Variants in INSR observed in about 807,000 individuals in gnomAD.
The protein encoded by INSR is IR.
A neutral mutation model predicts 142.6 loss-of-function variants in INSR; 67 were observed. The observed-to-expected ratio is 0.47, with a 90% CI of 0.39 to 0.58. INSR has a LOEUF of 0.58. Among genes scored for constraint, INSR ranks in the 20% least tolerant of loss-of-function variants. The probability of loss-of-function intolerance (pLI) is 0.00; values close to 1 mark genes in which losing one functional copy is unlikely to be tolerated. For synonymous variants in INSR, 756 were observed against 743.1 expected, an observed-to-expected ratio of 1.02 and a Z score of -0.28; for missense variants, 1,248 against 1,833.2, an observed-to-expected ratio of 0.68 and a Z score of 5.83.
At chr19:7,190,856 TA>T (rs144613606) in intron 2 of INSR, among the ~76,000 whole-genome samples, 2,323 of 152,338 alleles carry the variant, frequency 0.015, 59 homozygotes, top group African/African-American at 0.053. Context: ...AAAATGTAGA[TA>T]TTTTTAACCA....
intron 9 of INSR, 143 bp downstream of exon 9, chr19:7,162,889 A>G: frequency 1.4e-6 from 1 of 722,478 alleles, no homozygotes; most frequent in Non-Finnish European, 2.5e-6. Flanking sequence ...GTGTTTTCAT[A>G]TGAGATAGAA....
chr19:7,262,747 A>G (rs1977102866), intron 2 of INSR, among the ~76,000 whole-genome samples: 1 of 152,224 alleles, frequency 6.6e-6, no homozygotes, highest in South Asian at 2.1e-4. Context: ...AGCCAGGCAC[A>G]AAAGGATAAA....
intron 2 of INSR, among the ~76,000 whole-genome samples, chr19:7,247,751 G>T (rs1391291852): frequency 6.6e-6 from 1 of 152,162 alleles, no homozygotes; most frequent in African/African-American, 2.4e-5. Context: ...TCAAATGCAG[G>T]CCTGTCTGAC....
At chr19:7,121,470 T>G (rs1395649741) in intron 19 of INSR, among the ~76,000 whole-genome samples, 1 of 151,996 alleles carries the variant, frequency 6.6e-6, no homozygotes, top group Non-Finnish European at 1.5e-5. Context: ...TCTATATTCC[T>G]TTTTTATTTG....
chr19:7,242,338 A>G (rs904207923), intron 2 of INSR, among the ~76,000 whole-genome samples: 1 of 152,102 alleles, frequency 6.6e-6, no homozygotes, highest in Admixed American at 6.6e-5. Flanking sequence ...CTGAATAGCC[A>G]CTGTACTGGG....
Position 7,293,871 on chromosome 19 carries a change from C to A in INSR, c.21G>T (p.Arg7=), listed in dbSNP as rs1968566684. 2.4e-6 allele frequency: 3 copies of A among 1,239,460 alleles called. No homozygotes were observed. The highest frequency in any genetic ancestry group is 3.4e-5 in the South Asian group (1 of 29,326). 76.8% of individuals were successfully genotyped at this position (1,239,460 alleles called of 1,614,324 possible). A position where few individuals can be genotyped will look rare whatever the true frequency, so the allele number is the denominator to read the frequency against. The change falls in exon 1 of 22, where the codon CGG becomes CGT. Residue 7 remains arginine (R), a synonymous_variant. Transcript: ENST00000302850. The stretch of plus-strand genomic sequence containing the variant: ...CCAGCAGCGGCGCGGCCGCCGCCCC[C>A]CGCCGGCCCCCGGTGGCCATGGCTG... MATGGR[R]GAAAAPLLVA...
chr19:7,217,354 C>T (rs1331056107), intron 2 of INSR, among the ~76,000 whole-genome samples: 1 of 152,094 alleles, frequency 6.6e-6, no homozygotes, highest in Non-Finnish European at 1.5e-5. Context: ...AGGATCATCC[C>T]CCCGTCTCAA....
intron 9 of INSR, among the ~76,000 whole-genome samples, chr19:7,156,785 T>G (rs911514723): frequency 1.6e-5 from 2 of 127,160 alleles, no homozygotes; most frequent in African/African-American, 6.1e-5. Context: ...TTTCTCTCTT[T>G]TTTTTTTTTT....
intron 7 of INSR, 23 bp downstream of exon 7, chr19:7,167,945 G>T (rs9676400): frequency 6.2e-7 from 1 of 1,613,598 alleles, no homozygotes; most frequent in Non-Finnish European, 8.5e-7. Flanking sequence ...CCTCCTCAGC[G>T]TCTCTCTAAC....
In INSR at chr19:7,144,424, A is replaced by T. The variant is rs1339190208; in HGVS notation, c.2268-1334T>A. Among the ~76,000 whole-genome samples the T allele has an allele frequency of 2.0e-5, 3 of 152,214 alleles. No individual in the cohort carries two copies. The East Asian group carries it at 5.8e-4, about 29-fold the overall frequency. On this transcript the variant is annotated intron_variant, in intron 11 of 21. Coordinates refer to ENST00000302850, the MANE Select transcript of INSR (RefSeq NM_000208.4). ...TCCTTATTTATTTATTTATTTTGAG[A>T]CAGAGTTTCACTCTTGTCGCCCAGG...
chr19:7,264,062 G>A lies in INSR; in HGVS notation c.652+3283C>T, dbSNP rs539179506. Among the ~76,000 whole-genome samples, 9 of 152,198 alleles carry A rather than the reference G, an allele frequency of 5.9e-5. No homozygotes were observed. The South Asian group carries it at 1.7e-3, about 28-fold the overall frequency. Reference sequence around the variant, plus strand: ...CGCATGCCTGTAATCCTAGCTACTCGGGAGGCTGAGGCAGGAGAATCGCTT... The same window carrying A: ...CGCATGCCTGTAATCCTAGCTACTCAGGAGGCTGAGGCAGGAGAATCGCTT... On this transcript the variant is annotated intron_variant, in intron 2 of 21. Transcript: ENST00000302850.
At chr19:7,133,627 C>T (rs1003306399) in intron 13 of INSR, among the ~76,000 whole-genome samples, 3 of 152,122 alleles carry the variant, frequency 2.0e-5, no homozygotes, top group African/African-American at 2.4e-5. Context: ...TTTGGGAGGC[C>T]GAGGTGGGCG....
chr19:7,174,549 C>T (rs774635982), intron 4 of INSR, 34 bp downstream of exon 4: 7 of 1,612,938 alleles, frequency 4.3e-6, no homozygotes, highest in African/African-American at 1.3e-5. Flanking sequence ...TGGAGCCCAA[C>T]AGGCACCCCC....
At chr19:7,162,999 C>A (rs1415028000) in intron 9 of INSR, 33 bp downstream of exon 9, 1 of 1,611,218 alleles carries the variant, frequency 6.2e-7, no homozygotes, top group Admixed American at 1.7e-5. Flanking sequence ...GTGTGCAAAC[C>A]CCACCGATCC....
At chr19:7,229,655 T>C (rs1298707697) in intron 2 of INSR, among the ~76,000 whole-genome samples, 1 of 152,230 alleles carries the variant, frequency 6.6e-6, no homozygotes, top group Non-Finnish European at 1.5e-5. Context: ...CCTTTTTCTT[T>C]CTTGGAACTT....
chr19:7,137,293 C>A (rs1388029238), intron 13 of INSR, among the ~76,000 whole-genome samples: 1 of 151,902 alleles, frequency 6.6e-6, no homozygotes, highest in Non-Finnish European at 1.5e-5. Flanking sequence ...ATCCCTCATG[C>A]CCAAGCCAAT....
chr19:7,204,638 G>C (rs1034539856), intron 2 of INSR, among the ~76,000 whole-genome samples: 4 of 152,306 alleles, frequency 2.6e-5, no homozygotes, highest in South Asian at 4.1e-4. Flanking sequence ...TTGTCCACCA[G>C]AGCAAACAGC....
intron 13 of INSR, among the ~76,000 whole-genome samples, chr19:7,139,035 G>A (rs972396410): frequency 3.7e-4 from 57 of 152,252 alleles, no homozygotes; most frequent in African/African-American, 1.3e-3. Flanking sequence ...AGGGACACTA[G>A]CAAATGTGAT....
rs535625594 is a variant in INSR, at chr19:7,205,622, C to T, written c.653-20985G>A. 5.9e-5 allele frequency among the ~76,000 whole-genome samples: 9 copies of T among 152,204 alleles called. No individual in the cohort carries two copies. In the East Asian group the frequency reaches 9.7e-4, roughly 16 times the overall value. ...AGTGGCTCTCTCATGCCTGTAATCC[C>T]GATACTTTGGGAGGCTGAAGCTGGA... On this transcript the variant is annotated intron_variant, in intron 2 of 21. Transcript: ENST00000302850.
Sources: gnomAD v4.1 joint callset for allele counts (sites outside exome capture counted in the v4.1 genomes callset) on GRCh38, gnomAD v4.1.1 for gene constraint, MANE v1.5 for transcripts, NCBI Gene and HGNC (gene_info 2026-07-23, HGNC 2026-07-21) for gene names.